The following MEIS1 variants were observed in gnomAD, a reference collection of about 807,000 sequenced individuals.
MEIS1 encodes the protein homeobox protein Meis1.
A neutral mutation model predicts 50.8 loss-of-function variants in MEIS1; 5 were observed. The ratio of observed to expected loss-of-function variants is 0.10; its 90% CI spans 0.05 to 0.21. MEIS1 has a LOEUF of 0.21. MEIS1 is among the 10% of genes least tolerant of loss of function. The pLI, the probability that MEIS1 is intolerant of heterozygous loss-of-function variation, is 1.00. For synonymous variants in MEIS1, 176 were observed against 179.3 expected, an observed-to-expected ratio of 0.98 and a Z score of 0.15; for missense variants, 318 against 517.3, an observed-to-expected ratio of 0.61 and a Z score of 3.74.
chr2:66,529,503 C>G (rs1360412217), intron 8 of MEIS1, among the ~76,000 whole-genome samples: 1 of 152,180 alleles, frequency 6.6e-6, no homozygotes, highest in African/African-American at 2.4e-5. Context: ...GCAGTGCAAT[C>G]TTGGCTCACT....
chr2:66,543,706 T>G (rs777287042), intron 8 of MEIS1, among the ~76,000 whole-genome samples: 2 of 152,260 alleles, frequency 1.3e-5, no homozygotes, highest in Non-Finnish European at 2.9e-5. Context: ...ATTCTTATTG[T>G]AAGATCTAAA....
intron 7 of MEIS1, among the ~76,000 whole-genome samples, chr2:66,474,120 A>G (rs1430912903): frequency 6.6e-6 from 1 of 151,774 alleles, no homozygotes; most frequent in African/African-American, 2.4e-5. Context: ...TTCTATCCTC[A>G]GTTGGTTGAA....
intron 8 of MEIS1, among the ~76,000 whole-genome samples, chr2:66,527,591 AGTGTGTGTGTGTGTGTGTGTGTGTGTGT>A (rs71409176): frequency 3.2e-5 from 4 of 124,402 alleles, no homozygotes; most frequent in Admixed American, 8.0e-5. Context: ...AGTAAAAGCA[AGTGTGTGTGTGTGTGTGTGTGTGTGTGT>A]GTGTGTGTGT....
chr2:66,507,186 T>G (rs1673703992), intron 7 of MEIS1, among the ~76,000 whole-genome samples: 1 of 152,182 alleles, frequency 6.6e-6, no homozygotes, highest in Non-Finnish European at 1.5e-5. Context: ...TTTGGAAAAC[T>G]TTTTAGGCAC....
chr2:66,443,309 C>CT (rs945277069), intron 6 of MEIS1: 11 of 443,214 alleles, frequency 2.5e-5, no homozygotes, highest in African/African-American at 2.1e-4. Flanking sequence ...TAATTTTTGT[C>CT]TTTATTTTAT....
At chr2:66,547,054 G>C (rs902899992) in intron 8 of MEIS1, among the ~76,000 whole-genome samples, 6 of 152,140 alleles carry the variant, frequency 3.9e-5, no homozygotes, top group Non-Finnish European at 2.9e-5. Context: ...GAGATGTGGT[G>C]TTTCAAGCAA....
Position 66,439,894 on chromosome 2 carries a change from T to C in MEIS1, c.291T>C (p.Ala97=). 1.9e-6 allele frequency: 3 copies of C among 1,613,814 alleles called. No homozygotes were observed. The highest frequency in any genetic ancestry group is 1.7e-6 in the Non-Finnish European group (2 of 1,179,870). ...LALIFEKCEL[A]TCTPREPGVA... is the part of the protein sequence containing the mutation. ...TGATTTTTGAGAAATGTGAATTAGC[T>C]ACTTGTACCCCCCGCGAGCCGGGGG... is the stretch of plus-strand genomic sequence containing the variant. The change falls in exon 3 of 13, where the codon GCT becomes GCC. Residue 97 remains alanine, a synonymous_variant. Transcript: ENST00000272369.
At chr2:66,494,960 G>A (rs1673362120) in intron 7 of MEIS1, among the ~76,000 whole-genome samples, 2 of 151,588 alleles carry the variant, frequency 1.3e-5, no homozygotes, top group Admixed American at 1.3e-4. Context: ...CGAAATTACT[G>A]TTTGACCATC....
chr2:66,457,300 A>G (rs1263997728), intron 6 of MEIS1, among the ~76,000 whole-genome samples: 1 of 152,000 alleles, frequency 6.6e-6, no homozygotes, highest in Non-Finnish European at 1.5e-5. Context: ...TGCTCAATAC[A>G]TGGTAGTTGA....
In MEIS1 at chr2:66,568,678, A is replaced by G; in HGVS notation, c.1036A>G (p.Thr346Ala). 1 of 1,613,696 alleles carries G rather than the reference A, an allele frequency of 6.2e-7. No homozygotes were observed. Among genetic ancestry groups the G allele is most frequent in the Non-Finnish European group, 8.5e-7 (1 of 1,179,618 alleles). Residue 346 changes from threonine to alanine, a missense_variant, in exon 11 of 13, where the codon ACA becomes GCA. By Grantham distance (58) the Thr-to-Ala change is moderately conservative (BLOSUM62 0). Coordinates refer to ENST00000272369, the MANE Select transcript of MEIS1 (RefSeq NM_002398.3). Reference protein sequence around the residue: ...DQSNRAVSQGTPYNPDGQPMG... With the variant: ...DQSNRAVSQGAPYNPDGQPMG... ...CTGTACTTTTGTAGTAAGTCAAGGA[A>G]CACCTTATAATCCTGATGGACAGCC... is the stretch of plus-strand genomic sequence containing the variant.
intron 9 of MEIS1, among the ~76,000 whole-genome samples, chr2:66,550,766 G>T (rs1674900016): frequency 6.6e-6 from 1 of 151,966 alleles, no homozygotes; most frequent in African/African-American, 2.4e-5. Flanking sequence ...CCAAAGTGCT[G>T]GGATTACAGG....
In MEIS1 at chr2:66,571,779, G is replaced by T; in HGVS notation, c.*571G>T. The T allele has an allele frequency of 2.2e-6, 1 of 452,690 alleles. No homozygotes were observed. The highest frequency in any genetic ancestry group is 3.9e-6 in the Non-Finnish European group (1 of 259,382). 28.0% of individuals were successfully genotyped at this position (452,690 alleles called of 1,614,324 possible). A position where few individuals can be genotyped will look rare whatever the true frequency, so the allele number is the denominator to read the frequency against. Reference sequence around the variant, plus strand: ...GCTATTATACTGTTATCCATATTACGTTGTTTCTTATAGATTTTTTAAAAA... The same window carrying T: ...GCTATTATACTGTTATCCATATTACTTTGTTTCTTATAGATTTTTTAAAAA... On this transcript the variant is annotated 3_prime_UTR_variant, in exon 13 of 13. Coordinates refer to ENST00000272369, the MANE Select transcript of MEIS1 (RefSeq NM_002398.3).
intron 9 of MEIS1, among the ~76,000 whole-genome samples, chr2:66,558,687 A>G (rs1177942527): frequency 6.6e-6 from 1 of 152,182 alleles, no homozygotes; most frequent in Admixed American, 6.5e-5. Context: ...GGAACTAGAA[A>G]TCAAGCTAAA....
rs1675513332 is a variant in MEIS1, at chr2:66,573,054, T to G, written c.*1846T>G. ...TTATTCTTGCACATAAAGGCAAACCTAAGTACAAAGTTAAGTCTTTTACTA... is the reference window on the plus strand; with the variant it reads ...TTATTCTTGCACATAAAGGCAAACCGAAGTACAAAGTTAAGTCTTTTACTA... On this transcript the variant is annotated 3_prime_UTR_variant, in exon 13 of 13. Coordinates refer to ENST00000272369, the MANE Select transcript of MEIS1 (RefSeq NM_002398.3). 2 of 152,218 alleles carry G rather than the reference T, an allele frequency of 1.3e-5. No individual in the cohort carries two copies. Among genetic ancestry groups the G allele is most frequent in the Non-Finnish European group, 2.9e-5 (2 of 68,032 alleles). 9.4% of individuals were successfully genotyped at this position (152,218 alleles called of 1,614,324 possible).
At chr2:66,532,407 GA>G (rs373965354) in intron 8 of MEIS1, among the ~76,000 whole-genome samples, 2,037 of 147,884 alleles carry the variant, frequency 0.014, 52 homozygotes, top group African/African-American at 0.048. Flanking sequence ...TCCTTTCAGA[GA>G]AAAAAAAAAC....
At chr2:66,455,185 A>G (rs193216739) in intron 6 of MEIS1, among the ~76,000 whole-genome samples, 1 of 152,334 alleles carries the variant, frequency 6.6e-6, no homozygotes, top group East Asian at 1.9e-4. Flanking sequence ...ATTTTTCTCT[A>G]CAAGAAACTG....
intron 6 of MEIS1, among the ~76,000 whole-genome samples, chr2:66,463,312 C>T (rs1465507002): frequency 6.6e-6 from 1 of 152,038 alleles, no homozygotes; most frequent in Non-Finnish European, 1.5e-5. Flanking sequence ...ACCAGTGACT[C>T]ATGAGGCTGT....
intron 7 of MEIS1, among the ~76,000 whole-genome samples, chr2:66,510,067 T>C (rs1673788712): frequency 6.6e-6 from 1 of 152,220 alleles, no homozygotes. Context: ...GATCAGGTCG[T>C]ATGTGTCTTT....
chr2:66,503,307 T>C (rs2103834545), intron 7 of MEIS1, among the ~76,000 whole-genome samples: 1 of 152,302 alleles, frequency 6.6e-6, no homozygotes, highest in African/African-American at 2.4e-5. Flanking sequence ...CCTCATCTTG[T>C]TTTGCTTTCC....
Sources: allele counts gnomAD v4.1 joint callset (sites outside exome capture counted in the v4.1 genomes callset), GRCh38; gene constraint gnomAD v4.1.1; transcripts MANE v1.5; gene names NCBI Gene and HGNC (gene_info 2026-07-23, HGNC 2026-07-21).